CBFA2T2: variants seen among roughly 807,000 people sequenced by gnomAD.
CBFA2T2 encodes the protein protein CBFA2T2.
Under a neutral mutation model 62.2 loss-of-function variants are expected in CBFA2T2, and 11 were observed. The ratio of observed to expected loss-of-function variants is 0.18; its 90% confidence interval spans 0.11 to 0.29. CBFA2T2 has a LOEUF of 0.29. Ranked by LOEUF, CBFA2T2 falls within the 10% of genes least tolerant of loss-of-function variation. The probability of loss-of-function intolerance (pLI) is 1.00; values close to 1 mark genes in which losing one functional copy is unlikely to be tolerated. For synonymous variants in CBFA2T2, 295 were observed against 287.5 expected, an observed-to-expected ratio of 1.03 and a Z score of -0.27; for missense variants, 592 against 774.1, an observed-to-expected ratio of 0.76 and a Z score of 2.79.
At chr20:33,535,613 T>G (rs1396978433) in intron 1 of CBFA2T2, among the ~76,000 whole-genome samples, 1 of 146,792 alleles carries the variant, frequency 6.8e-6, no homozygotes, top group Non-Finnish European at 1.5e-5. Context: ...TTTTTATTTT[T>G]TTATTTTTTC....
chr20:33,561,564 T>C (rs1320924002), intron 1 of CBFA2T2, among the ~76,000 whole-genome samples: 1 of 152,216 alleles, frequency 6.6e-6, no homozygotes, highest in African/African-American at 2.4e-5. Context: ...ACTGAGCAGC[T>C]ATTATATGCT....
chr20:33,584,860 A>G (rs1366819805), intron 1 of CBFA2T2, among the ~76,000 whole-genome samples: 4 of 152,304 alleles, frequency 2.6e-5, no homozygotes, highest in African/African-American at 9.6e-5. Context: ...AAAACATGAT[A>G]TCCTTTAAAC....
At chr20:33,621,974 C>G (rs2016009528) in intron 4 of CBFA2T2, among the ~76,000 whole-genome samples, 1 of 152,122 alleles carries the variant, frequency 6.6e-6, no homozygotes, top group Non-Finnish European at 1.5e-5. Flanking sequence ...ACTCTAGAAT[C>G]AAGAAAGATT....
intron 1 of CBFA2T2, among the ~76,000 whole-genome samples, chr20:33,584,305 G>T: frequency 7.2e-6 from 1 of 139,006 alleles, no homozygotes. Context: ...TCACTCTGTC[G>T]CCCAGGCTGG....
chr20:33,587,853 T>C (rs965938501), intron 1 of CBFA2T2, among the ~76,000 whole-genome samples: 1 of 152,260 alleles, frequency 6.6e-6, no homozygotes, highest in African/African-American at 2.4e-5. Flanking sequence ...TCTCAACTCA[T>C]GATTTCTGTC....
At chr20:33,540,631 CT>C (rs1158715457) in intron 1 of CBFA2T2, among the ~76,000 whole-genome samples, 1 of 152,096 alleles carries the variant, frequency 6.6e-6, no homozygotes, top group Non-Finnish European at 1.5e-5. Context: ...AACATGCTGA[CT>C]AGAGAATGAT....
rs1305063681 is a variant in CBFA2T2 at position 33,640,486 on chromosome 20, A to G, written c.1443A>G (p.Ala481=). The G allele has an allele frequency of 1.2e-6, 2 of 1,614,140 alleles. No homozygotes were observed. The highest frequency in any genetic ancestry group is 2.7e-5 in the African/African-American group (2 of 74,952). The part of the protein sequence containing the change: ...QTIADVKRQA[A]EDAFLVINEQ... Reference sequence around the variant, plus strand: ...TAGCGGATGTCAAGCGGCAGGCCGCAGAGGATGCTTTCCTCGTCATCAATG... The same window carrying G: ...TAGCGGATGTCAAGCGGCAGGCCGCGGAGGATGCTTTCCTCGTCATCAATG... The change falls in exon 10 of 11, where the codon GCA becomes GCG. Residue 481 remains alanine (A), a synonymous_variant. Transcript: ENST00000342704.
chr20:33,590,225 C>A (rs576951541), intron 1 of CBFA2T2, among the ~76,000 whole-genome samples: 4 of 149,996 alleles, frequency 2.7e-5, no homozygotes, highest in Non-Finnish European at 5.9e-5. Context: ...CCAGCTTGGA[C>A]GATGCTGTCT....
chr20:33,624,945 A>T lies in CBFA2T2; in HGVS notation c.874A>T (p.Thr292Ser), dbSNP rs748254661. ...GCATTACACCTTAGAGGATATTGCA[A>T]CTTCTCACCTGTATCGGGAACCCAA... is the stretch of plus-strand genomic sequence containing the variant. ...LQHYTLEDIA[T>S]SHLYREPNKM... Residue 292 changes from threonine to serine, a missense_variant, in exon 6 of 11, where the codon ACT (threonine) becomes TCT (serine). Physicochemically the swap from Thr to Ser is moderately conservative, Grantham distance 58 (BLOSUM62 1). Coordinates refer to ENST00000342704, the MANE Select transcript of CBFA2T2 (RefSeq NM_001032999.3). 1.2e-6 allele frequency: 2 copies of T among 1,614,004 alleles called. No individual in the cohort carries two copies. Among genetic ancestry groups the T allele is most frequent in the Non-Finnish European group, 1.7e-6 (2 of 1,180,032 alleles).
chr20:33,546,179 TCTTTA>T (rs2012561339), intron 1 of CBFA2T2, among the ~76,000 whole-genome samples: 2 of 152,200 alleles, frequency 1.3e-5, no homozygotes, highest in African/African-American at 4.8e-5. Flanking sequence ...TGACATTTTT[TCTTTA>T]CTTTTTCCTG....
chr20:33,642,596 A>C (rs1254191277), intron 10 of CBFA2T2, among the ~76,000 whole-genome samples: 1 of 151,526 alleles, frequency 6.6e-6, no homozygotes, highest in Non-Finnish European at 1.5e-5. Context: ...GCAAGACCCC[A>C]TCTCTTTAAA....
intron 9 of CBFA2T2, 128 bp from the exon 10 acceptor site, chr20:33,640,213 C>G (rs2016777916): frequency 1.2e-6 from 1 of 855,330 alleles, no homozygotes; most frequent in East Asian, 2.7e-5. Flanking sequence ...GTGTGAAGAT[C>G]ATGTGTTCCT....
intron 1 of CBFA2T2, among the ~76,000 whole-genome samples, chr20:33,540,801 A>C (rs116949782): frequency 1.3e-5 from 2 of 152,186 alleles, no homozygotes; most frequent in Non-Finnish European, 2.9e-5. Context: ...AAGTATGTTA[A>C]TAAATTTGAT....
At chr20:33,518,845 G>A (rs529695879) in intron 1 of CBFA2T2, among the ~76,000 whole-genome samples, 98 of 150,714 alleles carry the variant, frequency 6.5e-4, no homozygotes, top group African/African-American at 2.3e-3. Context: ...TTTTTGAGAC[G>A]GAGTCTGGCT....
At chr20:33,628,512 A>C in intron 7 of CBFA2T2, 77 bp downstream of exon 7, 1 of 985,392 alleles carries the variant, frequency 1.0e-6, no homozygotes, top group Non-Finnish European at 1.6e-6. Flanking sequence ...TCTGTCACCC[A>C]GGATGGAGTG....
chr20:33,518,907 C>T (rs1363157878), intron 1 of CBFA2T2, among the ~76,000 whole-genome samples: 2 of 151,796 alleles, frequency 1.3e-5, no homozygotes, highest in East Asian at 1.9e-4. Context: ...CTGCAACCTC[C>T]GTCTCCCGGG....
intron 3 of CBFA2T2, among the ~76,000 whole-genome samples, chr20:33,618,095 C>T (rs35938982): frequency 2.0e-5 from 3 of 151,956 alleles, no homozygotes; most frequent in South Asian, 4.2e-4. Context: ...CTGCTCTACC[C>T]CCTCCCTGCA....
chr20:33,628,314 C>T (rs1416653202), intron 6 of CBFA2T2, 36 bp from the exon 7 acceptor site: 1 of 1,450,580 alleles, frequency 6.9e-7, no homozygotes, highest in East Asian at 2.3e-5. Flanking sequence ...TGTGTTTTTC[C>T]TGCTATCTTT....
At chr20:33,619,774 A>G (rs2015866089) in intron 4 of CBFA2T2, among the ~76,000 whole-genome samples, 168 bp downstream of exon 4, 1 of 152,168 alleles carries the variant, frequency 6.6e-6, no homozygotes, top group South Asian at 2.1e-4. Flanking sequence ...GTTTAATGAG[A>G]TGAGAATTGC....
Sources: gnomAD v4.1 joint callset for allele counts (sites outside exome capture counted in the v4.1 genomes callset) on GRCh38, gnomAD v4.1.1 for gene constraint, MANE v1.5 for transcripts, NCBI Gene and HGNC (gene_info 2026-07-23, HGNC 2026-07-21) for gene names.